Variants in RAB11A observed in about 807,000 individuals in gnomAD.
The protein encoded by RAB11A is ras-related protein Rab-11A.
RAB11A carries 9 observed loss-of-function variants against 28.0 expected under a neutral mutation model. The ratio of observed to expected loss-of-function variants is 0.32; its 90% confidence interval spans 0.19 to 0.56. The LOEUF (loss-of-function observed/expected upper bound fraction) is 0.56. Among genes scored for constraint, RAB11A ranks in the 20% least tolerant of loss-of-function variants. The pLI is 0.91. For missense variants in RAB11A, 108 were observed against 269.6 expected, an observed-to-expected ratio of 0.40 and a Z score of 4.20; for synonymous variants, 85 against 88.2, an observed-to-expected ratio of 0.96 and a Z score of 0.20.
At chr15:65,869,734 C>A in intron 1 of RAB11A, 109 bp downstream of exon 1, 1 of 1,192,466 alleles carries the variant, frequency 8.4e-7, no homozygotes. Flanking sequence ...CCTCCCTCAG[C>A]CCTTCCTTTT....
intron 4 of RAB11A, among the ~76,000 whole-genome samples, chr15:65,882,098 C>T (rs1443579730): frequency 2.0e-5 from 3 of 152,114 alleles, no homozygotes; most frequent in Non-Finnish European, 2.9e-5. Context: ...TTAAAATTCA[C>T]TCTAGATTGA....
At chr15:65,882,713 T>A (rs945779122) in intron 4 of RAB11A, among the ~76,000 whole-genome samples, 2 of 152,170 alleles carry the variant, frequency 1.3e-5, no homozygotes, top group Admixed American at 1.3e-4. Context: ...ATGAGATGAT[T>A]TTGCTGATGG....
chr15:65,874,519 G>A (rs976374994), intron 1 of RAB11A, among the ~76,000 whole-genome samples: 38 of 152,076 alleles, frequency 2.5e-4, no homozygotes, highest in African/African-American at 8.9e-4. Context: ...GGGATTACAG[G>A]TGTGAGCCAC....
intron 4 of RAB11A, among the ~76,000 whole-genome samples, chr15:65,882,073 A>G (rs1419416549): frequency 6.6e-6 from 1 of 152,086 alleles, no homozygotes; most frequent in East Asian, 1.9e-4. Context: ...AAAGATGAAC[A>G]TATAGTTGCT....
chr15:65,871,031 A>C (rs1187142387), intron 1 of RAB11A, among the ~76,000 whole-genome samples: 2 of 152,182 alleles, frequency 1.3e-5, no homozygotes, highest in Admixed American at 6.5e-5. Context: ...GATCATTACC[A>C]CTGAGGAAGA....
intron 3 of RAB11A, 49 bp from the exon 4 acceptor site, chr15:65,879,614 ATATCCTAT>A: frequency 7.4e-7 from 1 of 1,348,276 alleles, no homozygotes; most frequent in East Asian, 2.4e-5. Context: ...GGGCTTGAGT[ATATCCTAT>A]TCCTTGTTTT....
chr15:65,871,875 CAATA>C (rs1470292923), intron 1 of RAB11A, among the ~76,000 whole-genome samples: 1 of 140,296 alleles, frequency 7.1e-6, no homozygotes, highest in Non-Finnish European at 1.5e-5. Context: ...CATGAGGACT[CAATA>C]AATGGTAATA....
At chr15:65,886,703 C>A (rs1174541070) in intron 4 of RAB11A, among the ~76,000 whole-genome samples, 5 of 152,152 alleles carry the variant, frequency 3.3e-5, no homozygotes, top group Admixed American at 3.3e-4. Context: ...AATTTAGTGA[C>A]ATTCATGCGG....
chr15:65,883,249 G>A (rs895429279), intron 4 of RAB11A, among the ~76,000 whole-genome samples: 3 of 152,290 alleles, frequency 2.0e-5, no homozygotes, highest in East Asian at 1.9e-4. Context: ...CAGGTCATGC[G>A]TTTCATTCAG....
At chr15:65,873,672 G>A (rs2078176478) in intron 1 of RAB11A, among the ~76,000 whole-genome samples, 1 of 151,572 alleles carries the variant, frequency 6.6e-6, no homozygotes, top group African/African-American at 2.4e-5. Flanking sequence ...TCCTGCCTCA[G>A]CCTCCCAAGT....
Position 65,889,918 on chromosome 15 carries a change from T to G in RAB11A, c.*2078T>G, listed in dbSNP as rs2078278554. The G allele has an allele frequency of 1.3e-5, 2 of 152,304 alleles. No homozygotes were observed. The highest frequency in any genetic ancestry group is 2.9e-5 in the Non-Finnish European group (2 of 68,028). The allele number at this position is 152,304 out of a possible 1,614,324, so 9.4% of individuals were successfully genotyped here. ...TTTGATTGCATTTCAGCAGGTGTCT[T>G]TATTCTGAGTAGTATCTTAGGAGAC... On this transcript the variant is annotated 3_prime_UTR_variant, in exon 5 of 5. Transcript: ENST00000261890.
rs903072312 is a variant in RAB11A, at chr15:65,891,378, T to C, written c.*3538T>C. The C allele has an allele frequency of 2.0e-5, 3 of 152,220 alleles. No homozygotes were observed. The highest frequency in any genetic ancestry group is 4.4e-5 in the Non-Finnish European group (3 of 68,044). 9.4% of individuals were successfully genotyped at this position (152,220 alleles called of 1,614,324 possible). ...AAAGAAAGAATATTTGAAAGGATGT[T>C]GTGTACTAGGCAATATACTAGCATG... On this transcript the variant is annotated 3_prime_UTR_variant, in exon 5 of 5. Coordinates refer to ENST00000261890, the MANE Select transcript of RAB11A (RefSeq NM_004663.5).
At position 65,887,612 on chromosome 15, in the gene RAB11A, G is replaced by A. The variant is rs189256322; in HGVS notation, c.512-89G>A. ...GTTCAGTTTCCTTAGGGACTTTGAT[G>A]CAAATATATCTCCTACCTTTATGTA... On this transcript the variant is annotated intron_variant, in intron 4 of 4. Coordinates refer to ENST00000261890, the MANE Select transcript of RAB11A (RefSeq NM_004663.5). 10 of 1,289,666 alleles carry A rather than the reference G, an allele frequency of 7.8e-6. No individual in the cohort carries two copies. In the East Asian group the frequency reaches 2.7e-4, roughly 34 times the overall value. The allele number at this position is 1,289,666 out of a possible 1,614,324, so 79.9% of individuals were successfully genotyped here.
rs76017399 is a variant in RAB11A, at chr15:65,884,371, A to G, written c.512-3330A>G. On this transcript the variant is annotated intron_variant, in intron 4 of 4. Coordinates refer to ENST00000261890, the MANE Select transcript of RAB11A (RefSeq NM_004663.5). ...CAAGTGTAAATTATGTGTGTAAATT[A>G]AGATGAAATATGTAACCCACTGTAA... Among the ~76,000 whole-genome samples, 256 of 152,338 alleles carry G rather than the reference A, an allele frequency of 1.7e-3. 1 individual carries two copies. Among genetic ancestry groups the G allele is most frequent in the Admixed American group, 0.013 (193 of 15,296 alleles).
intron 1 of RAB11A, among the ~76,000 whole-genome samples, chr15:65,874,912 T>A (rs1409658229): frequency 6.6e-6 from 1 of 152,110 alleles, no homozygotes; most frequent in Admixed American, 6.5e-5. Flanking sequence ...GCTGAGCGTG[T>A]TGGCATGTGC....
At chr15:65,887,035 A>G (rs2078259856) in intron 4 of RAB11A, among the ~76,000 whole-genome samples, 1 of 151,894 alleles carries the variant, frequency 6.6e-6, no homozygotes, top group South Asian at 2.1e-4. Flanking sequence ...AAATTTATTT[A>G]TTTTTTGTGT....
At chr15:65,870,595 T>G (rs1043789991) in intron 1 of RAB11A, among the ~76,000 whole-genome samples, 1 of 152,222 alleles carries the variant, frequency 6.6e-6, no homozygotes, top group Non-Finnish European at 1.5e-5. Context: ...CAGGAAAGGT[T>G]GTGCGCTGCA....
In RAB11A at chr15:65,887,744, C is replaced by A; in HGVS notation, c.555C>A (p.Arg185=). 6.2e-7 allele frequency: 1 copy of A among 1,613,336 alleles called. No homozygotes were observed. The highest frequency in any genetic ancestry group is 8.5e-7 in the Non-Finnish European group (1 of 1,179,668). ...CTCAGAAGCAAATGTCAGACAGACGCGAAAATGACATGTCTCCAAGCAACA... is the reference window on the plus strand; with the variant it reads ...CTCAGAAGCAAATGTCAGACAGACGAGAAAATGACATGTCTCCAAGCAACA... ...IVSQKQMSDR[R]ENDMSPSNNV... is the part of the protein sequence containing the mutation. Residue 185 remains arginine (R), a synonymous_variant, in exon 5 of 5, where the codon CGC becomes CGA. Transcript: ENST00000261890.
At chr15:65,870,535 G>A (rs1193326851) in intron 1 of RAB11A, among the ~76,000 whole-genome samples, 2 of 152,252 alleles carry the variant, frequency 1.3e-5, no homozygotes, top group African/African-American at 4.8e-5. Context: ...TGAGGTTGCG[G>A]ATGGGTGGTG....
Sources: gnomAD v4.1 joint callset for allele counts (sites outside exome capture counted in the v4.1 genomes callset) on GRCh38, gnomAD v4.1.1 for gene constraint, MANE v1.5 for transcripts, NCBI Gene and HGNC (gene_info 2026-07-23, HGNC 2026-07-21) for gene names.